The following NRXN3 variants were observed in gnomAD, a reference collection of about 807,000 sequenced individuals.
NRXN3 encodes the protein neurexin 3.
A neutral mutation model predicts 137.6 loss-of-function variants in NRXN3; 32 were observed. That is an observed-to-expected ratio of 0.23 (90% confidence interval 0.18 to 0.31). The LOEUF is 0.31. Among genes scored for constraint, NRXN3 ranks in the 10% least tolerant of loss-of-function variants. NRXN3 has a pLI of 1.00. For missense variants in NRXN3, 1,574 were observed against 2,062.5 expected (o/e 0.76, Z 4.59); for synonymous variants, 798 against 784.5 (o/e 1.02, Z -0.29).
chr14:79,860,003 G>A (rs1348489764), intron 20 of NRXN3, among the ~76,000 whole-genome samples: 1 of 152,158 alleles, frequency 6.6e-6, no homozygotes. Context: ...TGCTGACATA[G>A]ATGCATAGCA....
chr14:79,093,628 C>A (rs1034841456), intron 15 of NRXN3, among the ~76,000 whole-genome samples: 23 of 152,188 alleles, frequency 1.5e-4, no homozygotes, highest in African/African-American at 4.6e-4. Context: ...TGCCTAAGCA[C>A]ACCGGTTAAG....
Position 79,125,456 on chromosome 14 carries a change from T to C in NRXN3, c.3262+137315T>C, listed in dbSNP as rs549001396. On this transcript the variant is annotated intron_variant, in intron 15 of 20. Coordinates refer to ENST00000335750, the MANE Select transcript of NRXN3 (RefSeq NM_001330195.2). The stretch of plus-strand genomic sequence containing the variant: ...GTTCATTGGATGGACTGATGGGAAA[T>C]AGGCCATCTTGTCTTTATTGAACAA... Among the ~76,000 whole-genome samples, 31 of 152,298 alleles carry C rather than the reference T, an allele frequency of 2.0e-4. No individual in the cohort carries two copies. The South Asian group carries it at 2.5e-3, about 12-fold the overall frequency.
intron 15 of NRXN3, among the ~76,000 whole-genome samples, chr14:79,106,086 T>C (rs1461123832): frequency 2.6e-5 from 4 of 152,116 alleles, no homozygotes. Context: ...TTTAAACGTT[T>C]TGAATTAATC....
chr14:78,949,039 G>A (rs1567793701), intron 10 of NRXN3, among the ~76,000 whole-genome samples: 1 of 152,178 alleles, frequency 6.6e-6, no homozygotes, highest in Non-Finnish European at 1.5e-5. Flanking sequence ...GACCACGTAT[G>A]CAAAGCAACT....
intron 4 of NRXN3, among the ~76,000 whole-genome samples, chr14:78,532,133 C>T (rs1225270746): frequency 7.7e-6 from 1 of 129,856 alleles, no homozygotes; most frequent in Non-Finnish European, 1.6e-5. Context: ...GGAGAAACCC[C>T]ATCTTTACTA....
intron 16 of NRXN3, among the ~76,000 whole-genome samples, chr14:79,589,550 T>TAAAAA (rs58740411): frequency 6.9e-5 from 6 of 87,016 alleles, no homozygotes; most frequent in African/African-American, 1.9e-4. Flanking sequence ...GTAGAATACC[T>TAAAAA]AAAAAAAAAA....
chr14:79,700,631 G>A (rs955705258), intron 19 of NRXN3, among the ~76,000 whole-genome samples: 1 of 152,086 alleles, frequency 6.6e-6, no homozygotes, highest in South Asian at 2.1e-4. Context: ...CTGAGGTAGT[G>A]TTGATTTCAG....
At chr14:79,797,297 G>A (rs1371750024) in intron 19 of NRXN3, among the ~76,000 whole-genome samples, 1 of 152,082 alleles carries the variant, frequency 6.6e-6, no homozygotes, top group Admixed American at 6.6e-5. Context: ...TCATATCTTG[G>A]CAAGTGATTA....
At chr14:78,580,333 A>G (rs1192749746) in intron 4 of NRXN3, among the ~76,000 whole-genome samples, 1 of 152,082 alleles carries the variant, frequency 6.6e-6, no homozygotes, top group Admixed American at 6.6e-5. Flanking sequence ...AGTTTTCATG[A>G]CTATCCTCAA....
At chr14:78,249,967 T>A (rs918089808) in intron 2 of NRXN3, 2 of 365,658 alleles carry the variant, frequency 5.5e-6, no homozygotes, top group African/African-American at 2.2e-5. Flanking sequence ...TCTTCTTTAG[T>A]AACAATGATA....
rs535858739 is a variant in NRXN3, at chr14:79,390,709, A to G, written c.3263-76512A>G. On this transcript the variant is annotated intron_variant, in intron 15 of 20. Coordinates refer to ENST00000335750, the MANE Select transcript of NRXN3 (RefSeq NM_001330195.2). Reference sequence around the variant, plus strand: ...GATGTGGTGTAACATGTACTAAATCATTATGTGCACATACATTTATTTTTA... The same window carrying G: ...GATGTGGTGTAACATGTACTAAATCGTTATGTGCACATACATTTATTTTTA... 1.1e-3 allele frequency among the ~76,000 whole-genome samples: 166 copies of G among 152,280 alleles called. 2 individuals are homozygous for G. Among genetic ancestry groups the G allele is most frequent in the Middle Eastern group, 3.4e-3 (1 of 294 alleles).
intron 10 of NRXN3, among the ~76,000 whole-genome samples, chr14:78,865,178 T>C (rs897126217): frequency 2.2e-4 from 33 of 152,196 alleles, no homozygotes. Flanking sequence ...AGGAAGGTAG[T>C]GCTTATCTAC....
intron 3 of NRXN3, chr14:78,282,351 G>C (rs1215172837): frequency 2.9e-6 from 1 of 340,560 alleles, no homozygotes; most frequent in Non-Finnish European, 5.9e-6. Context: ...TGGGACCTCT[G>C]GGTGTGAGAC....
intron 16 of NRXN3, among the ~76,000 whole-genome samples, chr14:79,566,667 T>G (rs2097553272): frequency 6.6e-6 from 1 of 152,094 alleles, no homozygotes; most frequent in Admixed American, 6.6e-5. Context: ...GAACACTGCC[T>G]CAAACCCAGT....
intron 15 of NRXN3, among the ~76,000 whole-genome samples, chr14:79,391,249 A>G (rs1274816818): frequency 1.3e-5 from 2 of 152,160 alleles, no homozygotes; most frequent in African/African-American, 2.4e-5. Context: ...GAGATTTTCT[A>G]TCAGATGTAT....
intron 10 of NRXN3, among the ~76,000 whole-genome samples, chr14:78,833,142 C>A (rs2098987166): frequency 6.6e-6 from 1 of 152,122 alleles, no homozygotes; most frequent in African/African-American, 2.4e-5. Context: ...AGTTCTATTT[C>A]TATTGCTTGG....
chr14:78,209,494 C>T (rs949448064), intron 1 of NRXN3, among the ~76,000 whole-genome samples: 1 of 152,166 alleles, frequency 6.6e-6, no homozygotes, highest in Admixed American at 6.5e-5. Context: ...AATTGACTTA[C>T]AGTTCGGCAT....
intron 15 of NRXN3, among the ~76,000 whole-genome samples, chr14:79,284,343 C>CAGATAT (rs1555354907): frequency 1.5e-5 from 1 of 65,086 alleles, no homozygotes; most frequent in Non-Finnish European, 2.9e-5. Context: ...ACTAAAAATA[C>CAGATAT]ATATATATAT....
intron 4 of NRXN3, chr14:78,614,832 T>A (rs1327085082): frequency 2.6e-6 from 1 of 383,198 alleles, no homozygotes; most frequent in African/African-American, 2.1e-5. Flanking sequence ...ACAACTCTTG[T>A]GGGCCCTTAT....
Sources: gnomAD v4.1 joint callset for allele counts (sites outside exome capture counted in the v4.1 genomes callset) on GRCh38, gnomAD v4.1.1 for gene constraint, MANE v1.5 for transcripts, NCBI Gene and HGNC (gene_info 2026-07-23, HGNC 2026-07-21) for gene names.